Variants in HMCN1 observed in about 807,000 individuals in gnomAD.
HMCN1 encodes hemicentin-1.
Under a neutral mutation model 625.9 loss-of-function variants are expected in HMCN1, and 321 were observed. The ratio of observed to expected loss-of-function variants is 0.51; its 90% confidence interval spans 0.47 to 0.56. The LOEUF is 0.56. Ranked by LOEUF, HMCN1 falls within the 20% of genes least tolerant of loss-of-function variation. The probability of loss-of-function intolerance (pLI) is 0.00; values close to 1 mark genes in which losing one functional copy is unlikely to be tolerated. For synonymous variants in HMCN1, 2,425 were observed against 2,417.6 expected (o/e 1.00, Z -0.09); for missense variants, 6,588 against 6,887.3 (o/e 0.96, Z 1.54).
In HMCN1 at chr1:185,982,255, G is replaced by C; in HGVS notation, c.2663-7G>C. ...GTTGAAAGTGCCTGTGCTCTCTCTTGATTTAGTTGCTCCACTTATTGGAAT... is the reference window on the plus strand; with the variant it reads ...GTTGAAAGTGCCTGTGCTCTCTCTTCATTTAGTTGCTCCACTTATTGGAAT... On this transcript the variant is annotated splice_polypyrimidine_tract_variant and splice_region_variant and intron_variant, in intron 17 of 106. Coordinates refer to ENST00000271588, the MANE Select transcript of HMCN1 (RefSeq NM_031935.3). 1 of 1,613,792 alleles carries C rather than the reference G, an allele frequency of 6.2e-7. No homozygotes were observed. Among genetic ancestry groups the C allele is most frequent in the African/African-American group, 1.3e-5 (1 of 74,978 alleles).
At chr1:185,889,509 T>C (rs1664904817) in intron 4 of HMCN1, among the ~76,000 whole-genome samples, 1 of 141,338 alleles carries the variant, frequency 7.1e-6, no homozygotes, top group African/African-American at 3.1e-5. Flanking sequence ...ATTGAGAGTT[T>C]TTAGCATGAA....
chr1:185,755,945 G>A (rs1006231791), intron 1 of HMCN1, among the ~76,000 whole-genome samples: 1 of 152,012 alleles, frequency 6.6e-6, no homozygotes, highest in Non-Finnish European at 1.5e-5. Context: ...TGCAGTGGCT[G>A]TTTACAGTTG....
intron 42 of HMCN1, among the ~76,000 whole-genome samples, chr1:186,051,211 G>A (rs1656925070): frequency 6.6e-6 from 1 of 151,954 alleles, no homozygotes; most frequent in Admixed American, 6.6e-5. Flanking sequence ...TAAACTAAAG[G>A]GATTTAAAGA....
intron 36 of HMCN1, among the ~76,000 whole-genome samples, chr1:186,028,723 A>G (rs1206944986): frequency 1.1e-4 from 11 of 98,484 alleles, no homozygotes; most frequent in Non-Finnish European, 2.1e-4. Flanking sequence ...TTTCTAAAGC[A>G]TATTTTTTTT....
At chr1:186,127,854 G>T (rs578184783) in intron 82 of HMCN1, among the ~76,000 whole-genome samples, 1 of 152,178 alleles carries the variant, frequency 6.6e-6, no homozygotes, top group East Asian at 1.9e-4. Context: ...TCTTACCACT[G>T]TAAAATGATT....
intron 1 of HMCN1, among the ~76,000 whole-genome samples, chr1:185,833,339 T>A (rs2129125): frequency 0.34 from 51,143 of 152,068 alleles, 10,002 homozygotes; most frequent in African/African-American, 0.54. Flanking sequence ...ACATTTACAT[T>A]ATTAAGAAGA....
chr1:186,131,834 A>T (rs1446852566), intron 85 of HMCN1, among the ~76,000 whole-genome samples: 1 of 152,136 alleles, frequency 6.6e-6, no homozygotes, highest in Non-Finnish European at 1.5e-5. Flanking sequence ...TATTATAAGT[A>T]AATTAGTTTT....
chr1:185,888,872 G>T (rs1296482656), intron 4 of HMCN1, among the ~76,000 whole-genome samples: 1 of 147,116 alleles, frequency 6.8e-6, no homozygotes, highest in African/African-American at 2.7e-5. Flanking sequence ...TGATGGGGAT[G>T]GCATTGAATC....
intron 4 of HMCN1, among the ~76,000 whole-genome samples, chr1:185,881,529 G>A (rs1664311926): frequency 6.6e-6 from 1 of 152,148 alleles, no homozygotes; most frequent in Non-Finnish European, 1.5e-5. Flanking sequence ...TGGAGCCATG[G>A]GTGGTTTAGG....
At chr1:186,060,454 G>C (rs1418992330) in intron 46 of HMCN1, among the ~76,000 whole-genome samples, 12 of 151,896 alleles carry the variant, frequency 7.9e-5, no homozygotes, top group Non-Finnish European at 7.4e-5. Flanking sequence ...GTTCTCTGCA[G>C]GTTTTGTTTC....
At chr1:185,999,311 A>G (rs1186792117) in intron 25 of HMCN1, among the ~76,000 whole-genome samples, 1 of 152,084 alleles carries the variant, frequency 6.6e-6, no homozygotes, top group African/African-American at 2.4e-5. Context: ...TTTGCTAAAT[A>G]AATACATTGT....
At chr1:186,076,364 A>G in intron 53 of HMCN1, 64 bp from the exon 54 acceptor site, 1 of 1,462,572 alleles carries the variant, frequency 6.8e-7, no homozygotes, top group South Asian at 1.2e-5. Flanking sequence ...TCTGGTGAAA[A>G]CACAGCCAAG....
intron 4 of HMCN1, 102 bp downstream of exon 4, chr1:185,865,965 C>A (rs1663166496): frequency 7.6e-6 from 9 of 1,192,036 alleles, no homozygotes; most frequent in Non-Finnish European, 1.1e-5. Flanking sequence ...CAATTTTAAC[C>A]AAAAGGTATA....
chr1:185,923,299 A>G, intron 7 of HMCN1, 91 bp from the exon 8 acceptor site: 1 of 980,312 alleles, frequency 1.0e-6, no homozygotes, highest in Non-Finnish European at 1.6e-6. Context: ...TCCTTATGGT[A>G]CTCATATATT....
chr1:186,096,653 A>G (rs1187969059), intron 68 of HMCN1, among the ~76,000 whole-genome samples: 2 of 152,164 alleles, frequency 1.3e-5, no homozygotes, highest in African/African-American at 4.8e-5. Context: ...TCAACAAAAT[A>G]CTAGCAAACC....
At chr1:186,156,743 T>C (rs1651050727) in intron 97 of HMCN1, among the ~76,000 whole-genome samples, 1 of 152,204 alleles carries the variant, frequency 6.6e-6, no homozygotes, top group South Asian at 2.1e-4. Flanking sequence ...ATCCTCAAAG[T>C]AGGAAACAAA....
chr1:186,114,890 G>A lies in HMCN1; in HGVS notation c.11348G>A (p.Cys3783Tyr), dbSNP rs748374534. Residue 3783 changes from cysteine (C) to tyrosine (Y), a missense_variant, in exon 74 of 107, where the codon TGT becomes TAT. By Grantham distance (194) the Cys-to-Tyr change is radical. Coordinates refer to ENST00000271588, the MANE Select transcript of HMCN1 (RefSeq NM_031935.3). ...AHVTDTGRYLCMATNAAGTDR... is the reference protein window; with the variant it reads ...AHVTDTGRYLYMATNAAGTDR... ...GTCACTGACACTGGACGGTATTTGTGTATGGCCACCAATGCTGCTGGAACA... is the reference window on the plus strand; with the variant it reads ...GTCACTGACACTGGACGGTATTTGTATATGGCCACCAATGCTGCTGGAACA... The A allele has an allele frequency of 1.9e-6, 3 of 1,614,124 alleles. No homozygotes were observed. Among genetic ancestry groups the A allele is most frequent in the Non-Finnish European group, 2.5e-6 (3 of 1,179,992 alleles).
chr1:185,949,459 G>A (rs1183584353), intron 11 of HMCN1, among the ~76,000 whole-genome samples: 1 of 151,212 alleles, frequency 6.6e-6, no homozygotes, highest in African/African-American at 2.5e-5. Flanking sequence ...GTATTGTCCA[G>A]TCCTTTTTAA....
Position 185,942,954 on chromosome 1 carries a change from GA to G in HMCN1, c.1828+9137del, listed in dbSNP as rs961293254. 9.9e-5 allele frequency among the ~76,000 whole-genome samples: 15 copies of G among 151,602 alleles called. No individual in the cohort carries two copies. The East Asian group carries it at 1.4e-3, about 14-fold the overall frequency. ...TTAATAATGGATACTGCAAGAGGGG[GA>G]AAAAAAGCTGTTTTTCCCTCTACTC... On this transcript the variant is annotated intron_variant, in intron 11 of 106. Transcript: ENST00000271588.
Sources: gnomAD v4.1 joint callset for allele counts (sites outside exome capture counted in the v4.1 genomes callset) on GRCh38, gnomAD v4.1.1 for gene constraint, MANE v1.5 for transcripts, NCBI Gene and HGNC (gene_info 2026-07-23, HGNC 2026-07-21) for gene names.